KIFAP3: variants seen among roughly 807,000 people sequenced by gnomAD.
KIFAP3 encodes kinesin associated protein 3.
In KIFAP3, 68 loss-of-function variants were observed where a neutral mutation model predicts 106.5. That is an observed-to-expected ratio of 0.64 (90% CI 0.53 to 0.78). The LOEUF is 0.78. Ranked by LOEUF, KIFAP3 falls within the 30% of genes least tolerant of loss-of-function variation. KIFAP3 has a pLI of 0.00. For missense variants in KIFAP3, 780 were observed against 941.8 expected (o/e 0.83, Z 2.25); for synonymous variants, 320 against 311.5 (o/e 1.03, Z -0.29).
rs1051507948 is a variant in KIFAP3, at chr1:170,039,501, A to G, written c.320-213T>C. Among the ~76,000 whole-genome samples, 81 of 152,308 alleles carry G rather than the reference A, an allele frequency of 5.3e-4. 1 individual carries two copies. Among genetic ancestry groups the G allele is most frequent in the South Asian group, 2.3e-3 (11 of 4,826 alleles). On this transcript the variant is annotated intron_variant, in intron 3 of 19. Coordinates refer to ENST00000361580, the MANE Select transcript of KIFAP3 (RefSeq NM_014970.4). ...AGGAGAGTATAAATTAATAAAATCT[A>G]TAACTAATCACCAACTTCCTCCTTG... is the stretch of plus-strand genomic sequence containing the variant.
At chr1:169,928,781 G>A (rs1292566293) in intron 19 of KIFAP3, among the ~76,000 whole-genome samples, 3 of 150,144 alleles carry the variant, frequency 2.0e-5, no homozygotes, top group Non-Finnish European at 4.4e-5. Flanking sequence ...TTGAAAACTG[G>A]CTGGAAATTT....
At chr1:170,028,148 G>A (rs193255002) in intron 8 of KIFAP3, among the ~76,000 whole-genome samples, 80 of 152,034 alleles carry the variant, frequency 5.3e-4, no homozygotes, top group African/African-American at 1.9e-3. Flanking sequence ...TACAAGAAAC[G>A]TTAAAGTAAA....
intron 19 of KIFAP3, among the ~76,000 whole-genome samples, chr1:169,926,376 T>C (rs1348542599): frequency 6.6e-6 from 1 of 152,124 alleles, no homozygotes; most frequent in East Asian, 1.9e-4. Flanking sequence ...CCACTTCCAT[T>C]TTCTAGTGTT....
chr1:170,041,665 G>A (rs1474098511), intron 3 of KIFAP3: 8 of 1,532,046 alleles, frequency 5.2e-6, no homozygotes, highest in Non-Finnish European at 7.0e-6. Context: ...TTGCCAGCAA[G>A]GCATTACCGA....
At chr1:169,996,728 C>T (rs151338195) in intron 10 of KIFAP3, among the ~76,000 whole-genome samples, 21 of 152,132 alleles carry the variant, frequency 1.4e-4, no homozygotes, top group Middle Eastern at 6.8e-3. Context: ...TTCCTTAGGG[C>T]GAAGTACAGG....
chr1:169,978,014 A>AC (rs397810221), intron 16 of KIFAP3, 71 bp downstream of exon 16: 7 of 1,035,634 alleles, frequency 6.8e-6, no homozygotes, highest in Middle Eastern at 2.1e-4. Context: ...GCAAAAAAAA[A>AC]AACAACTCAA....
In KIFAP3 at chr1:169,993,559, G is replaced by A. The variant is rs190961745; in HGVS notation, c.1184-1304C>T. Reference sequence around the variant, plus strand: ...ATAGAAATTACTAGTTCTAAAAGGGGTTCAGAATTAGAGACAAAGATTTGA... The same window carrying A: ...ATAGAAATTACTAGTTCTAAAAGGGATTCAGAATTAGAGACAAAGATTTGA... On this transcript the variant is annotated intron_variant, in intron 10 of 19. Coordinates refer to ENST00000361580, the MANE Select transcript of KIFAP3 (RefSeq NM_014970.4). Among the ~76,000 whole-genome samples, 8 of 151,286 alleles carry A rather than the reference G, an allele frequency of 5.3e-5. No homozygotes were observed. The East Asian group carries it at 1.6e-3, about 29-fold the overall frequency.
intron 19 of KIFAP3, among the ~76,000 whole-genome samples, chr1:169,933,377 T>C (rs1663599696): frequency 6.6e-6 from 1 of 152,070 alleles, no homozygotes; most frequent in South Asian, 2.1e-4. Flanking sequence ...AAAGTAAATC[T>C]CTACTATTAT....
At position 170,074,533 on chromosome 1, in the gene KIFAP3, G is replaced by A. The variant is rs1671848116; in HGVS notation, c.-66C>T. On this transcript the variant is annotated 5_prime_UTR_variant, in exon 1 of 20. Coordinates refer to ENST00000361580, the MANE Select transcript of KIFAP3 (RefSeq NM_014970.4). ...AGAGGCAGGCGCGGTTATTTCCGGG[G>A]ACGGTGGCCAAAGTACCCTCACACC... The A allele has an allele frequency of 6.2e-7, 1 of 1,609,912 alleles. No homozygotes were observed. The highest frequency in any genetic ancestry group is 1.1e-5 in the South Asian group (1 of 90,226).
chr1:169,951,386 T>C (rs1372716275), intron 19 of KIFAP3, among the ~76,000 whole-genome samples: 3 of 151,966 alleles, frequency 2.0e-5, no homozygotes, highest in African/African-American at 4.8e-5. Flanking sequence ...AAACAGTCTA[T>C]AGTAAGTTTT....
At chr1:169,963,534 C>G (rs932095949) in intron 17 of KIFAP3, among the ~76,000 whole-genome samples, 1 of 151,926 alleles carries the variant, frequency 6.6e-6, no homozygotes, top group Non-Finnish European at 1.5e-5. Flanking sequence ...TTGCTGTTAC[C>G]CATGCTGGAG....
At chr1:169,942,919 C>CCA (rs397729541) in intron 19 of KIFAP3, among the ~76,000 whole-genome samples, 3 of 110,586 alleles carry the variant, frequency 2.7e-5, no homozygotes, top group Admixed American at 2.5e-4. Context: ...CGCCCCCCCC[C>CCA]ACCCCTTTAA....
At position 169,978,173 on chromosome 1, in the gene KIFAP3, T is replaced by A; in HGVS notation, c.1809A>T (p.Glu603Asp). Residue 603 changes from glutamate to aspartate, a missense_variant, in exon 16 of 20, where the codon GAA becomes GAT. Coordinates refer to ENST00000361580, the MANE Select transcript of KIFAP3 (RefSeq NM_014970.4). ...TTATCTGACACACAAATTCATCATC[T>A]TCTTGTTGAGCTGTAAATAAACAAA... ...ALIELLNAQQ[E>D]DDEFVCQIIY... 2 of 1,609,460 alleles carry A rather than the reference T, an allele frequency of 1.2e-6. No homozygotes were observed. Among genetic ancestry groups the A allele is most frequent in the Non-Finnish European group, 1.7e-6 (2 of 1,176,332 alleles).
rs908017630 is a variant in KIFAP3 at position 169,983,475 on chromosome 1, T to C, written c.1394-93A>G. ...CAAAAAAGCCACAACAATTTACATCTAGTAAAATGCATAACTCTTAAGGGT... is the reference window on the plus strand; with the variant it reads ...CAAAAAAGCCACAACAATTTACATCCAGTAAAATGCATAACTCTTAAGGGT... On this transcript the variant is annotated intron_variant, in intron 12 of 19. Transcript: ENST00000361580. 11 of 747,624 alleles carry C rather than the reference T, an allele frequency of 1.5e-5. No individual in the cohort carries two copies. In the African/African-American group the frequency reaches 1.6e-4, roughly 11 times the overall value. 46.3% of individuals were successfully genotyped at this position (747,624 alleles called of 1,614,324 possible).
chr1:170,042,885 C>T (rs560921508), intron 3 of KIFAP3, among the ~76,000 whole-genome samples: 1 of 152,300 alleles, frequency 6.6e-6, no homozygotes, highest in Admixed American at 6.5e-5. Flanking sequence ...CTTTCTCTAG[C>T]CTTAAGGTCC....
intron 10 of KIFAP3, among the ~76,000 whole-genome samples, chr1:170,004,990 T>G (rs1165461154): frequency 1.3e-5 from 2 of 151,824 alleles, no homozygotes; most frequent in African/African-American, 2.4e-5. Flanking sequence ...GAATCTACAA[T>G]GAACCCAAAC....
At chr1:170,046,201 T>A (rs1490856871) in intron 3 of KIFAP3, among the ~76,000 whole-genome samples, 2 of 26,858 alleles carry the variant, frequency 7.4e-5, no homozygotes, top group African/African-American at 1.5e-4. Flanking sequence ...TAAACCTTTT[T>A]CTCTGCTGCA....
chr1:170,049,439 C>T (rs1339355058), intron 2 of KIFAP3, among the ~76,000 whole-genome samples: 1 of 152,180 alleles, frequency 6.6e-6, no homozygotes, highest in African/African-American at 2.4e-5. Flanking sequence ...ATGAGAGCAG[C>T]TGATCCTGAC....
intron 19 of KIFAP3, among the ~76,000 whole-genome samples, chr1:169,952,601 A>G (rs1664785309): frequency 6.6e-6 from 1 of 152,082 alleles, no homozygotes; most frequent in Non-Finnish European, 1.5e-5. Flanking sequence ...TGTCCTCCAA[A>G]TGAGGCAGCA....
Sources: allele counts gnomAD v4.1 joint callset (sites outside exome capture counted in the v4.1 genomes callset), GRCh38; gene constraint gnomAD v4.1.1; transcripts MANE v1.5; gene names NCBI Gene and HGNC (gene_info 2026-07-23, HGNC 2026-07-21).